The following PDE4D variants were observed in gnomAD, a reference collection of about 807,000 sequenced individuals.
PDE4D encodes 3',5'-cyclic-AMP phosphodiesterase 4D.
PDE4D carries 24 observed loss-of-function variants against 87.4 expected under a neutral mutation model. The ratio of observed to expected loss-of-function variants is 0.27; its 90% CI spans 0.20 to 0.39. The LOEUF is 0.39. PDE4D is among the 10% of genes least tolerant of loss of function. PDE4D has a pLI of 1.00. For synonymous variants in PDE4D, 384 were observed against 383.2 expected (o/e 1.00, Z -0.02); for missense variants, 714 against 1,041.0 (o/e 0.69, Z 4.32).
intron 1 of PDE4D, among the ~76,000 whole-genome samples, chr5:60,365,355 C>A (rs1262530912): frequency 2.0e-5 from 3 of 152,176 alleles, no homozygotes; most frequent in Non-Finnish European, 1.5e-5. Flanking sequence ...ATGGACCCCC[C>A]TAAAGCTGCA....
chr5:59,941,421 G>GTGT (rs1205437306), intron 3 of PDE4D, among the ~76,000 whole-genome samples: 1 of 152,166 alleles, frequency 6.6e-6, no homozygotes, highest in African/African-American at 2.4e-5. Flanking sequence ...CCTCCCAGCT[G>GTGT]TGTTATTTCT....
intron 1 of PDE4D, among the ~76,000 whole-genome samples, chr5:60,239,411 C>A (rs1407652347): frequency 6.6e-6 from 1 of 152,080 alleles, no homozygotes; most frequent in Non-Finnish European, 1.5e-5. Context: ...ATGACTGACG[C>A]TTAGCTCTTT....
chr5:60,095,326 T>C (rs1306189855), intron 2 of PDE4D, among the ~76,000 whole-genome samples: 1 of 152,220 alleles, frequency 6.6e-6, no homozygotes, highest in East Asian at 1.9e-4. Context: ...TTGTGTTAGT[T>C]TGCTGAGAAT....
At chr5:59,073,797 A>G (rs1225415399) in intron 5 of PDE4D, among the ~76,000 whole-genome samples, 1 of 152,220 alleles carries the variant, frequency 6.6e-6, no homozygotes, top group Admixed American at 6.5e-5. Context: ...TGAGAAAGAA[A>G]TCTGTTAAGG....
At chr5:59,031,389 AT>A (rs1561348031) in intron 6 of PDE4D, among the ~76,000 whole-genome samples, 1,008 of 49,512 alleles carry the variant, frequency 0.02, 17 homozygotes, top group African/African-American at 0.1. Context: ...ATATATATAT[AT>A]ATTATATATA....
At chr5:59,727,675 G>A (rs1487970597) in intron 1 of PDE4D, among the ~76,000 whole-genome samples, 1 of 152,084 alleles carries the variant, frequency 6.6e-6, no homozygotes, top group Non-Finnish European at 1.5e-5. Flanking sequence ...TGACTCTAAT[G>A]TCTACTGGTA....
At chr5:59,096,926 T>C (rs186575005) in intron 5 of PDE4D, among the ~76,000 whole-genome samples, 19 of 152,248 alleles carry the variant, frequency 1.2e-4, no homozygotes, top group African/African-American at 4.6e-4. Flanking sequence ...GACACAAGTG[T>C]GTAACAACCA....
chr5:59,697,321 T>G (rs1282421982), intron 1 of PDE4D, among the ~76,000 whole-genome samples: 2 of 152,184 alleles, frequency 1.3e-5, no homozygotes, highest in Non-Finnish European at 2.9e-5. Context: ...CAATTAATTA[T>G]AATTGTGTTA....
chr5:59,673,745 A>C (rs1238294055), intron 1 of PDE4D, among the ~76,000 whole-genome samples: 1 of 152,214 alleles, frequency 6.6e-6, no homozygotes, highest in Non-Finnish European at 1.5e-5. Flanking sequence ...AAATAGAATA[A>C]AAATTCCTAG....
intron 1 of PDE4D, among the ~76,000 whole-genome samples, chr5:60,475,046 C>G (rs1415924937): frequency 6.6e-6 from 1 of 152,010 alleles, no homozygotes; most frequent in Non-Finnish European, 1.5e-5. Context: ...GTAAAAGAGT[C>G]TTTTTTTAAC....
chr5:59,893,245 G>A lies in PDE4D; in HGVS notation c.378C>T (p.Tyr126=), dbSNP rs1301939565. The part of the protein sequence containing the change: ...LYCRAMDRTS[Y]AVETGHRPGL... ...CGGGCCGGTGGCCGGTCTCCACCGC[G>A]TAGGAGGTGCGGTCCATGGCGCGAC... The change falls in exon 1 of 15, where the codon TAC becomes TAT. Residue 126 remains tyrosine, a synonymous_variant. Transcript: ENST00000340635. The A allele has an allele frequency of 6.4e-7, 1 of 1,556,162 alleles. No individual in the cohort carries two copies. Among genetic ancestry groups the A allele is most frequent in the Non-Finnish European group, 8.7e-7 (1 of 1,149,648 alleles).
chr5:59,098,542 T>TA (rs59464520), intron 5 of PDE4D, among the ~76,000 whole-genome samples: 62 of 146,886 alleles, frequency 4.2e-4, no homozygotes, highest in Middle Eastern at 3.5e-3. Flanking sequence ...TACAAAAAAT[T>TA]AAAAAAAAAA....
intron 2 of PDE4D, among the ~76,000 whole-genome samples, chr5:60,000,574 G>T (rs1017858347): frequency 6.6e-6 from 1 of 152,168 alleles, no homozygotes; most frequent in Non-Finnish European, 1.5e-5. Context: ...TTGCTAAAAG[G>T]AGTCCTTTGA....
chr5:59,036,595 T>A (rs1006738974), intron 6 of PDE4D, among the ~76,000 whole-genome samples: 2 of 152,222 alleles, frequency 1.3e-5, no homozygotes, highest in African/African-American at 4.8e-5. Context: ...GCCCTTGTTA[T>A]GAAGAAGAAG....
intron 1 of PDE4D, among the ~76,000 whole-genome samples, chr5:60,349,563 C>T (rs569288220): frequency 1.3e-5 from 2 of 152,304 alleles, no homozygotes; most frequent in South Asian, 4.1e-4. Flanking sequence ...AAGCCAAAGT[C>T]CATGAATACA....
intron 1 of PDE4D, among the ~76,000 whole-genome samples, chr5:59,775,290 TCAA>T (rs894544234): frequency 6.6e-5 from 10 of 152,164 alleles, no homozygotes; most frequent in Admixed American, 4.6e-4. Context: ...CTGCAACTTG[TCAA>T]CAACAACAAC....
chr5:59,809,997 C>T (rs1324679776), intron 1 of PDE4D, among the ~76,000 whole-genome samples: 4 of 152,314 alleles, frequency 2.6e-5, no homozygotes, highest in African/African-American at 9.6e-5. Context: ...GGCAATTAAG[C>T]GACTTCTCAT....
rs574185228 is a variant in PDE4D, at chr5:59,448,937, T to G, written c.456-232969A>C. Among the ~76,000 whole-genome samples the G allele has an allele frequency of 3.3e-4, 50 of 152,258 alleles. No individual in the cohort carries two copies. The South Asian group carries it at 9.6e-3, about 29-fold the overall frequency. ...GGAGTGAGCCACCATTCCCAGCAGC[T>G]AGGGAATATCAACAACAACAAAAAA... On this transcript the variant is annotated intron_variant, in intron 1 of 14. Transcript: ENST00000340635.
chr5:60,300,383 T>C (rs957280815), intron 1 of PDE4D, among the ~76,000 whole-genome samples: 6 of 152,216 alleles, frequency 3.9e-5, no homozygotes, highest in African/African-American at 1.4e-4. Context: ...TTTTTTGCTG[T>C]GCAGGGGCTC....
Sources: allele counts gnomAD v4.1 joint callset (sites outside exome capture counted in the v4.1 genomes callset), GRCh38; gene constraint gnomAD v4.1.1; transcripts MANE v1.5; gene names NCBI Gene and HGNC (gene_info 2026-07-23, HGNC 2026-07-21).